The following PCDH11Y variants were observed in gnomAD, a reference collection of about 807,000 sequenced individuals.
PCDH11Y encodes the protein protocadherin 11 Y-linked.
For missense variants in PCDH11Y, 12 were observed against 224.8 expected (o/e 0.05, Z 6.05); for synonymous variants, 9 against 83.6 (o/e 0.11, Z 4.87).
At chrY:5,567,437 C>A (rs2053436399) in intron 3 of PCDH11Y, among the ~76,000 whole-genome samples, 1 of 27,238 alleles carries the variant, frequency 3.7e-5, no homozygotes, top group Non-Finnish European at 8.6e-5. Flanking sequence ...TAATCTGTAT[C>A]TGTACTTGTA....
chrY:5,092,312 C>T, intron 1 of PCDH11Y, among the ~76,000 whole-genome samples: 4 of 33,146 alleles, frequency 1.2e-4, no homozygotes, highest in African/African-American at 4.7e-4. Context: ...CTTAGTATGA[C>T]TTTAAAGTAG....
intron 2 of PCDH11Y, among the ~76,000 whole-genome samples, chrY:5,343,535 G>A (rs2053148990): frequency 3.0e-5 from 1 of 33,222 alleles, no homozygotes; most frequent in Non-Finnish European, 7.4e-5. Flanking sequence ...TTACAGGCGT[G>A]AGCCACCACG....
At chrY:5,417,984 T>C in intron 2 of PCDH11Y, among the ~76,000 whole-genome samples, 3 of 33,804 alleles carry the variant, frequency 8.9e-5, no homozygotes, top group Non-Finnish European at 1.5e-4. Context: ...GTCAAACATA[T>C]GAAATTGAAC....
At chrY:5,667,274 G>T in intron 4 of PCDH11Y, among the ~76,000 whole-genome samples, 1 of 30,323 alleles carries the variant, frequency 3.3e-5, no homozygotes, top group Non-Finnish European at 7.9e-5. Flanking sequence ...AGATGATCTG[G>T]TTTCTTCCTT....
In PCDH11Y at chrY:5,547,430, CT is replaced by C. The variant is rs2053414300; in HGVS notation, c.3329-34344del. 2.1e-4 allele frequency among the ~76,000 whole-genome samples: 7 copies of C among 32,894 alleles called. No homozygotes were observed. In the South Asian group the frequency reaches 4.7e-3, roughly 22 times the overall value. The allele number at this position is 32,894 out of a possible 37,273, so 88.3% of individuals were successfully genotyped here. On this transcript the variant is annotated intron_variant, in intron 3 of 4. Transcript: ENST00000400457. ...AACACAAATGAACTATCTTTCATAACTATCAAACATATTTTTCACTAATCTT... is the reference window on the plus strand; with the variant it reads ...AACACAAATGAACTATCTTTCATAACATCAAACATATTTTTCACTAATCTT...
chrY:5,266,316 C>T (rs3865917), intron 2 of PCDH11Y, among the ~76,000 whole-genome samples: 4 of 32,974 alleles, frequency 1.2e-4, no homozygotes, highest in Non-Finnish European at 7.4e-5. Context: ...GTGGGCAGAT[C>T]ACGAGCTCAG....
chrY:5,417,952 A>G (rs2053254372), intron 2 of PCDH11Y, among the ~76,000 whole-genome samples: 1 of 33,767 alleles, frequency 3.0e-5, no homozygotes, highest in Non-Finnish European at 7.4e-5. Context: ...TCAGGCTCCC[A>G]GACGTTTACG....
intron 2 of PCDH11Y, among the ~76,000 whole-genome samples, chrY:5,257,925 G>T: frequency 1.1e-4 from 3 of 26,678 alleles, no homozygotes. Flanking sequence ...TGGGTCCCAG[G>T]CCTTTTTTTT....
intron 2 of PCDH11Y, among the ~76,000 whole-genome samples, chrY:5,392,643 G>C: frequency 3.0e-5 from 1 of 33,197 alleles, no homozygotes; most frequent in Non-Finnish European, 7.4e-5. Context: ...GCCAGATTTT[G>C]CCTCTATCTA....
At chrY:5,733,530 T>C in intron 4 of PCDH11Y, among the ~76,000 whole-genome samples, 1 of 31,934 alleles carries the variant, frequency 3.1e-5, no homozygotes, top group Non-Finnish European at 7.6e-5. Flanking sequence ...GTACCCGATG[T>C]GGCTAGGTAT....
downstream of PCDH11Y, among the ~76,000 whole-genome samples, chrY:5,102,303 A>G: frequency 3.2e-5 from 1 of 30,774 alleles, no homozygotes; most frequent in Non-Finnish European, 7.9e-5. Context: ...TCATTTTCAA[A>G]TTCTTATTGC....
At chrY:5,662,825 G>T in intron 4 of PCDH11Y, among the ~76,000 whole-genome samples, 1 of 31,031 alleles carries the variant, frequency 3.2e-5, no homozygotes, top group Admixed American at 3.1e-4. Flanking sequence ...GCCGGGCATG[G>T]TGGCTCACCC....
At chrY:5,604,105 A>G in intron 4 of PCDH11Y, among the ~76,000 whole-genome samples, 1 of 32,271 alleles carries the variant, frequency 3.1e-5, no homozygotes, top group Admixed American at 2.9e-4. Context: ...TGACAGCCAA[A>G]TGACTATAAT....
intron 3 of PCDH11Y, among the ~76,000 whole-genome samples, chrY:5,556,929 A>T: frequency 2.4e-4 from 8 of 33,088 alleles, no homozygotes; most frequent in Non-Finnish European, 6.0e-4. Flanking sequence ...TCCTTTCCCT[A>T]TTGCTTAATT....
intron 2 of PCDH11Y, among the ~76,000 whole-genome samples, chrY:5,385,991 T>C: frequency 3.0e-5 from 1 of 33,656 alleles, no homozygotes; most frequent in Non-Finnish European, 7.3e-5. Flanking sequence ...TTAATGTGTT[T>C]CCAGGATGTG....
intron 1 of PCDH11Y, among the ~76,000 whole-genome samples, chrY:5,084,454 A>G: frequency 3.4e-5 from 1 of 29,498 alleles, no homozygotes; most frequent in African/African-American, 1.3e-4. Context: ...ACAATGATCC[A>G]TGTGCTGAGG....
chrY:5,069,621 G>T (rs200365192), intron 1 of PCDH11Y, among the ~76,000 whole-genome samples: 17 of 26,972 alleles, frequency 6.3e-4, no homozygotes, highest in South Asian at 4.3e-3. Context: ...TTTTTTTTTT[G>T]TTTTTTTTTT....
At chrY:5,377,565 G>A in intron 2 of PCDH11Y, among the ~76,000 whole-genome samples, 1 of 33,354 alleles carries the variant, frequency 3.0e-5, no homozygotes, top group African/African-American at 1.2e-4. Context: ...ATATTTTTAT[G>A]TTTATGCATA....
chrY:5,232,052 C>G, intron 2 of PCDH11Y, among the ~76,000 whole-genome samples: 1 of 32,700 alleles, frequency 3.1e-5, no homozygotes, highest in Non-Finnish European at 7.5e-5. Context: ...GCAATGGCCT[C>G]TCCTCTGACT....
Sources: allele counts gnomAD v4.1 joint callset (sites outside exome capture counted in the v4.1 genomes callset), GRCh38; gene constraint gnomAD v4.1.1; transcripts MANE v1.5; gene names NCBI Gene and HGNC (gene_info 2026-07-23, HGNC 2026-07-21).